Variants in ARID1B observed in about 807,000 individuals in gnomAD.
ARID1B encodes AT-rich interactive domain-containing protein 1B.
ARID1B carries 30 observed loss-of-function variants against 212.3 expected under a neutral mutation model. The observed-to-expected ratio is 0.14, with a 90% CI of 0.11 to 0.19. The LOEUF (loss-of-function observed/expected upper bound fraction) is 0.19. ARID1B is among the 10% of genes least tolerant of loss of function. ARID1B has a pLI of 1.00. For missense variants in ARID1B, 2,891 were observed against 3,204.0 expected, an observed-to-expected ratio of 0.90 and a Z score of 2.36; for synonymous variants, 1,402 against 1,301.7, an observed-to-expected ratio of 1.08 and a Z score of -1.66.
intron 13 of ARID1B, chr6:157,186,362 G>C: frequency 2.2e-6 from 1 of 463,676 alleles, no homozygotes; most frequent in Middle Eastern, 3.3e-4. Context: ...CAGTAGTCCA[G>C]ATGGAGCCGA....
intron 2 of ARID1B, among the ~76,000 whole-genome samples, chr6:156,873,154 G>A (rs1302311196): frequency 6.6e-6 from 1 of 152,212 alleles, no homozygotes; most frequent in Non-Finnish European, 1.5e-5. Flanking sequence ...CATGATGCCT[G>A]ACAGATAAAC....
At chr6:157,035,606 A>AT (rs544096600) in intron 4 of ARID1B, among the ~76,000 whole-genome samples, 4 of 152,286 alleles carry the variant, frequency 2.6e-5, no homozygotes, top group East Asian at 1.9e-4. Context: ...ACTTACAATG[A>AT]TTTTTTCTAC....
Position 157,083,087 on chromosome 6 carries a change from C to CT in ARID1B, c.2248-1567dup, listed in dbSNP as rs199844248. Among the ~76,000 whole-genome samples the CT allele has an allele frequency of 4.9e-3, 740 of 151,916 alleles. 7 individuals are homozygous for CT. Among genetic ancestry groups the CT allele is most frequent in the Middle Eastern group, 0.02 (6 of 294 alleles). ...CTATAACCAGCTCTGATTTCCCTTG[C>CT]TTTTTTTTGTACTTTCTGGTCTAGG... On this transcript the variant is annotated intron_variant, in intron 4 of 19. Coordinates refer to ENST00000636930, the MANE Select transcript of ARID1B (RefSeq NM_001374828.1).
intron 2 of ARID1B, among the ~76,000 whole-genome samples, chr6:156,872,081 A>G (rs1786177691): frequency 6.6e-6 from 1 of 152,242 alleles, no homozygotes; most frequent in Non-Finnish European, 1.5e-5. Context: ...GTCTGTGTAG[A>G]ATAAAATAAA....
chr6:156,972,405 C>G (rs900559566), intron 4 of ARID1B, among the ~76,000 whole-genome samples: 2 of 152,192 alleles, frequency 1.3e-5, no homozygotes, highest in Non-Finnish European at 2.9e-5. Context: ...CCACTTTATC[C>G]CTTCCCCTGT....
At position 157,084,842 on chromosome 6, in the gene ARID1B, G is replaced by A. The variant is rs971544940; in HGVS notation, c.2428G>A (p.Val810Ile). 15 of 1,613,996 alleles carry A rather than the reference G, an allele frequency of 9.3e-6. No individual in the cohort carries two copies. The highest frequency in any genetic ancestry group is 1.3e-5 in the African/African-American group (1 of 74,914). Residue 810 changes from valine to isoleucine, a missense_variant, in exon 5 of 20, where the codon GTT becomes ATT. By Grantham distance (29) the Val-to-Ile change is conservative. Coordinates refer to ENST00000636930, the MANE Select transcript of ARID1B (RefSeq NM_001374828.1). ...CCCGGGGGGCCCATCTCCCTCTCCT[G>A]TTGGCTCTCCTGTAGGAAGCAACCA... The part of the protein sequence containing the change: ...SIPGGPSPSP[V>I]GSPVGSNQSR...
intron 1 of ARID1B, among the ~76,000 whole-genome samples, chr6:156,805,484 T>A (rs963571575): frequency 6.6e-6 from 1 of 152,184 alleles, no homozygotes; most frequent in African/African-American, 2.4e-5. Flanking sequence ...CCATTACTAT[T>A]CTTGAGGAAA....
intron 15 of ARID1B, among the ~76,000 whole-genome samples, chr6:157,192,736 C>A (rs562734691): frequency 6.6e-6 from 1 of 152,212 alleles, no homozygotes; most frequent in Admixed American, 6.5e-5. Context: ...TTTCAGTTCA[C>A]CTGCTGCCTT....
intron 5 of ARID1B, among the ~76,000 whole-genome samples, chr6:157,103,230 C>T (rs1786204560): frequency 6.6e-6 from 1 of 151,606 alleles, no homozygotes; most frequent in Non-Finnish European, 1.5e-5. Flanking sequence ...AGCTTGGTTC[C>T]TGGAATCATT....
At chr6:156,783,052 G>C (rs1051434585) in intron 1 of ARID1B, among the ~76,000 whole-genome samples, 1 of 151,560 alleles carries the variant, frequency 6.6e-6, no homozygotes, top group Non-Finnish European at 1.5e-5. Context: ...TACTACATCA[G>C]TAAGTATATG....
At chr6:156,825,151 C>T (rs778106420) in intron 1 of ARID1B, among the ~76,000 whole-genome samples, 6 of 152,138 alleles carry the variant, frequency 3.9e-5, no homozygotes, top group Non-Finnish European at 7.3e-5. Flanking sequence ...AGGCGTGAGC[C>T]GCCGCACTTG....
intron 4 of ARID1B, among the ~76,000 whole-genome samples, chr6:157,060,827 T>G (rs1783298860): frequency 6.6e-6 from 1 of 152,128 alleles, no homozygotes; most frequent in Admixed American, 6.5e-5. Flanking sequence ...GAGCTGTCCT[T>G]CCTTTCCATC....
At chr6:157,120,455 G>T (rs1787632222) in intron 6 of ARID1B, among the ~76,000 whole-genome samples, 1 of 152,164 alleles carries the variant, frequency 6.6e-6, no homozygotes, top group South Asian at 2.1e-4. Flanking sequence ...TGGCGCGGGG[G>T]GCCTGGGTTA....
intron 4 of ARID1B, chr6:156,942,543 A>C (rs1324438658): frequency 6.6e-6 from 1 of 152,060 alleles, no homozygotes; most frequent in Non-Finnish European, 1.5e-5. Context: ...GCTTACAAGG[A>C]GCTCCACAAT....
rs574958406 is a variant in ARID1B at position 157,201,765 on chromosome 6, G to T, written c.5263+277G>T. Reference sequence around the variant, plus strand: ...GTGGATCACGAGGTCACGAGATCGAGACCATCCTGGATAACACGGTGAAAT... The same window carrying T: ...GTGGATCACGAGGTCACGAGATCGATACCATCCTGGATAACACGGTGAAAT... On this transcript the variant is annotated intron_variant, in intron 18 of 19. Transcript: ENST00000636930. This position sits in a 1 kb window ranked among gnomAD's most constrained non-coding sequence, Gnocchi z 5.2. Among the ~76,000 whole-genome samples, 2 of 152,136 alleles carry T rather than the reference G, an allele frequency of 1.3e-5. No individual in the cohort carries two copies. Among genetic ancestry groups the T allele is most frequent in the African/African-American group, 4.8e-5 (2 of 41,426 alleles).
chr6:156,957,617 C>T (rs986007987), intron 4 of ARID1B, among the ~76,000 whole-genome samples: 4 of 152,140 alleles, frequency 2.6e-5, no homozygotes, highest in Admixed American at 2.6e-4. Flanking sequence ...TAAATCATGT[C>T]CCTTGAATGT....
chr6:156,809,943 T>C (rs1242187728), intron 1 of ARID1B, among the ~76,000 whole-genome samples: 2 of 152,106 alleles, frequency 1.3e-5, no homozygotes, highest in Non-Finnish European at 2.9e-5. Context: ...GCTCTGAACT[T>C]GAGGATTTAA....
At chr6:157,178,949 A>G (rs1480170756) in intron 11 of ARID1B, among the ~76,000 whole-genome samples, 2 of 152,212 alleles carry the variant, frequency 1.3e-5, no homozygotes, top group Non-Finnish European at 2.9e-5. Context: ...CAAACAGGAT[A>G]TTGGTTGAGC....
intron 2 of ARID1B, among the ~76,000 whole-genome samples, chr6:156,840,831 T>A (rs752159439): frequency 1.6e-4 from 25 of 152,136 alleles, no homozygotes; most frequent in Non-Finnish European, 3.1e-4. Context: ...TCTAACCCCA[T>A]TGAGTAAATT....
Sources: allele counts gnomAD v4.1 joint callset (sites outside exome capture counted in the v4.1 genomes callset), GRCh38; gene constraint gnomAD v4.1.1; non-coding constraint Gnocchi (gnomAD v3.1); transcripts MANE v1.5; gene names NCBI Gene and HGNC (gene_info 2026-07-23, HGNC 2026-07-21).